HSPA4L: variants seen among roughly 807,000 people sequenced by gnomAD.
HSPA4L encodes heat shock 70 kDa protein 4L.
In HSPA4L, 48 loss-of-function variants were observed where a neutral mutation model predicts 100.3. That is an observed-to-expected ratio of 0.48 (90% CI 0.38 to 0.61). The LOEUF (loss-of-function observed/expected upper bound fraction) is 0.61. Ranked by LOEUF, HSPA4L falls within the 20% of genes least tolerant of loss-of-function variation. The probability of loss-of-function intolerance (pLI) is 0.00; values close to 1 mark genes in which losing one functional copy is unlikely to be tolerated. For missense variants in HSPA4L, 886 were observed against 988.6 expected (o/e 0.90, Z 1.39); for synonymous variants, 319 against 328.2 (o/e 0.97, Z 0.30).
rs560438734 is a variant in HSPA4L at position 127,789,509 on chromosome 4, A to G, written c.108-4568A>G. Among the ~76,000 whole-genome samples, 254 of 152,128 alleles carry G rather than the reference A, an allele frequency of 1.7e-3. 1 individual carries two copies. The highest frequency in any genetic ancestry group is 2.9e-3 in the Non-Finnish European group (198 of 67,972). ...AAAATACAAAAAAAATTAGCCGGGC[A>G]TGGTGGCGGGTGCCTGTAGTCCCAG... is the stretch of plus-strand genomic sequence containing the variant. On this transcript the variant is annotated intron_variant, in intron 1 of 18. Coordinates refer to ENST00000296464, the MANE Select transcript of HSPA4L (RefSeq NM_014278.4).
intron 10 of HSPA4L, 88 bp downstream of exon 10, chr4:127,805,881 T>A: frequency 4.0e-6 from 3 of 752,148 alleles, no homozygotes; most frequent in South Asian, 2.3e-5. Flanking sequence ...AATTTACGCT[T>A]CTTAAAATTC....
chr4:127,827,549 G>A, intron 17 of HSPA4L, 125 bp downstream of exon 17: 1 of 1,101,860 alleles, frequency 9.1e-7, no homozygotes, highest in Non-Finnish European at 1.3e-6. Context: ...GAGACTTTGT[G>A]TACCAAACTT....
intron 18 of HSPA4L, among the ~76,000 whole-genome samples, chr4:127,831,501 TAAAAAAA>T (rs770152039): frequency 9.7e-6 from 1 of 103,430 alleles, no homozygotes. Flanking sequence ...CCTTGTCTAT[TAAAAAAA>T]AAAAAAAAAA....
At chr4:127,830,251 A>G (rs941995537) in intron 17 of HSPA4L, among the ~76,000 whole-genome samples, 3 of 152,146 alleles carry the variant, frequency 2.0e-5, no homozygotes, top group Non-Finnish European at 4.4e-5. Flanking sequence ...CATTTTTCTA[A>G]TCAAGAATTT....
In HSPA4L at chr4:127,823,564, TTA is replaced by T; in HGVS notation, c.1988_1989del (p.Tyr663Ter). 1 of 1,613,878 alleles carries T rather than the reference TTA, an allele frequency of 6.2e-7. No individual in the cohort carries two copies. Among genetic ancestry groups the T allele is most frequent in the South Asian group, 1.1e-5 (1 of 91,080 alleles). On this transcript the variant is annotated frameshift_variant, in exon 16 of 19. Transcript: ENST00000296464. LOFTEE classifies it high-confidence loss of function. ...AVLEDTENWL[Y>X]EDGEDQPKQV... The stretch of plus-strand genomic sequence containing the variant: ...TATTGGAAGACACAGAAAATTGGCT[TTA>T]TGAAGACGGAGAGGACCAACCTAAA...
chr4:127,832,742 T>G lies in HSPA4L; in HGVS notation c.2388T>G (p.Pro796=). The G allele has an allele frequency of 6.2e-7, 1 of 1,613,528 alleles. No homozygotes were observed. The change falls in exon 19 of 19, where the codon CCT becomes CCG. Residue 796 remains proline, a synonymous_variant. Transcript: ENST00000296464. ...IYKPKPKAEV[P]EDKPKANSEH... is the part of the protein sequence containing the mutation. Reference sequence around the variant, plus strand: ...AGCCCAAACCAAAAGCAGAAGTTCCTGAAGACAAACCAAAAGCTAATAGTG... The same window carrying G: ...AGCCCAAACCAAAAGCAGAAGTTCCGGAAGACAAACCAAAAGCTAATAGTG...
rs1733257298 is a variant in HSPA4L at position 127,803,641 on chromosome 4, A to T, written c.676A>T (p.Thr226Ser). 6.2e-7 allele frequency: 1 copy of T among 1,612,566 alleles called. No individual in the cohort carries two copies. Among genetic ancestry groups the T allele is most frequent in the Non-Finnish European group, 8.5e-7 (1 of 1,179,540 alleles). Residue 226 changes from threonine (T) to serine (S), a missense_variant, in exon 7 of 19, where the codon ACC (threonine) becomes TCC (serine). Physicochemically the swap from Thr to Ser is moderately conservative, Grantham distance 58. Transcript: ENST00000296464. ...NKGKLKVLATTFDPYLGGRNF... is the reference protein window; with the variant it reads ...NKGKLKVLATSFDPYLGGRNF... ...TTCAATTAAACAGGTCTTGGCTACT[A>T]CCTTTGATCCATATTTGGGTGGCAG...
chr4:127,798,547 A>T, intron 3 of HSPA4L, 40 bp from the exon 4 acceptor site: 1 of 1,606,092 alleles, frequency 6.2e-7, no homozygotes, highest in Non-Finnish European at 8.5e-7. Context: ...TGTTGGATAA[A>T]CAAATGACTC....
rs977955245 is a variant in HSPA4L, at chr4:127,782,594, T to G, written c.44T>G (p.Ile15Ser). ...GIDLGFLNCYIAVARSGGIET... is the reference protein window; with the variant it reads ...GIDLGFLNCYSAVARSGGIET... ...GACCTCGGCTTTCTCAACTGCTACA[T>G]TGCTGTCGCGAGAAGTGGCGGCATC... Residue 15 changes from isoleucine to serine, a missense_variant, in exon 1 of 19, where the codon ATT (isoleucine) becomes AGT (serine). Physicochemically the swap from Ile to Ser is moderately radical, Grantham distance 142. Transcript: ENST00000296464. 9 of 1,613,940 alleles carry G rather than the reference T, an allele frequency of 5.6e-6. No individual in the cohort carries two copies. The highest frequency in any genetic ancestry group is 1.7e-5 in the Admixed American group (1 of 59,996).
intron 1 of HSPA4L, among the ~76,000 whole-genome samples, chr4:127,784,257 C>T (rs1732649953): frequency 6.6e-6 from 1 of 152,196 alleles, no homozygotes; most frequent in African/African-American, 2.4e-5. Context: ...TTCTTTTAGT[C>T]CTTAAAGCCA....
chr4:127,831,143 C>G (rs560214474), intron 18 of HSPA4L, among the ~76,000 whole-genome samples: 2 of 152,000 alleles, frequency 1.3e-5, no homozygotes, highest in Admixed American at 1.3e-4. Context: ...TAGTTTGAAG[C>G]GTATAAACTT....
intron 6 of HSPA4L, 58 bp from the exon 7 acceptor site, chr4:127,803,571 T>G (rs1733254975): frequency 7.0e-7 from 1 of 1,436,032 alleles, no homozygotes; most frequent in African/African-American, 1.4e-5. Context: ...GGTTTTTCTT[T>G]TTTTTTTGGA....
intron 11 of HSPA4L, among the ~76,000 whole-genome samples, chr4:127,810,349 A>G (rs1166271803): frequency 1.3e-5 from 2 of 152,202 alleles, no homozygotes; most frequent in Non-Finnish European, 2.9e-5. Context: ...ATTATTGAAC[A>G]TTATATTAGT....
Position 127,803,747 on chromosome 4 carries a change from G to C in HSPA4L, c.782G>C (p.Arg261Pro), listed in dbSNP as rs773358656. Residue 261 changes from arginine (R) to proline (P), a missense_variant, in exon 7 of 19, where the codon CGG (arginine) becomes CCG (proline). Transcript: ENST00000296464. Reference protein sequence around the residue: ...KYKINVKENSRALLRLYQECE... With the variant: ...KYKINVKENSPALLRLYQECE... The stretch of plus-strand genomic sequence containing the variant: ...AAGATAAATGTGAAAGAAAACTCTC[G>C]GGCCTTGTTGCGTTTATATCAGGAA... The C allele has an allele frequency of 1.9e-6, 3 of 1,613,728 alleles. No individual in the cohort carries two copies. The African/African-American group carries it at 4.0e-5, about 22-fold the overall frequency.
chr4:127,798,788 C>A, intron 4 of HSPA4L, 79 bp downstream of exon 4: 7 of 1,385,076 alleles, frequency 5.1e-6, no homozygotes, highest in Non-Finnish European at 5.9e-6. Context: ...ATTTTTCTTC[C>A]CTTACACTTT....
chr4:127,825,548 A>T (rs1215757104), intron 16 of HSPA4L, among the ~76,000 whole-genome samples: 1 of 152,200 alleles, frequency 6.6e-6, no homozygotes, highest in Admixed American at 6.5e-5. Flanking sequence ...CAAAGGAAAT[A>T]ATTAGAAAAC....
chr4:127,824,919 A>G (rs961068965), intron 16 of HSPA4L, among the ~76,000 whole-genome samples: 2 of 152,260 alleles, frequency 1.3e-5, no homozygotes, highest in South Asian at 4.1e-4. Flanking sequence ...GGCGGATCAC[A>G]AAGTCAGGAG....
At chr4:127,818,519 T>A (rs1733732463) in intron 13 of HSPA4L, 99 bp downstream of exon 13, 1 of 617,250 alleles carries the variant, frequency 1.6e-6, no homozygotes, top group Admixed American at 3.3e-5. Context: ...TTTTTGATCT[T>A]AGAATTGTGA....
At chr4:127,808,179 G>T in intron 11 of HSPA4L, 50 bp downstream of exon 11, 1 of 1,448,592 alleles carries the variant, frequency 6.9e-7, no homozygotes. Flanking sequence ...TATAAATAAT[G>T]TGTTATTTTA....
Sources: gnomAD v4.1 joint callset for allele counts (sites outside exome capture counted in the v4.1 genomes callset) on GRCh38, gnomAD v4.1.1 for gene constraint, MANE v1.5 for transcripts, NCBI Gene and HGNC (gene_info 2026-07-23, HGNC 2026-07-21) for gene names.